The following GLIS3 variants were observed in gnomAD, a reference collection of about 807,000 sequenced individuals.
GLIS3 encodes zinc finger protein GLIS3.
A neutral mutation model predicts 78.6 loss-of-function variants in GLIS3; 53 were observed. The observed-to-expected ratio is 0.67, with a 90% confidence interval of 0.54 to 0.85. The LOEUF is 0.85. Among genes scored for constraint, GLIS3 ranks in the 40% least tolerant of loss-of-function variants. GLIS3 has a pLI of 0.00. For synonymous variants in GLIS3, 684 were observed against 509.9 expected (o/e 1.34, Z -4.60); for missense variants, 1,703 against 1,231.1 (o/e 1.38, Z -5.74).
At chr9:4,236,707 C>G (rs982572952) in intron 2 of GLIS3, among the ~76,000 whole-genome samples, 1 of 152,144 alleles carries the variant, frequency 6.6e-6, no homozygotes, top group East Asian at 1.9e-4. Flanking sequence ...ATTGAGCCCC[C>G]ACTATGTGTA....
At chr9:4,294,617 T>G (rs1395394814) in intron 1 of GLIS3, among the ~76,000 whole-genome samples, 1 of 152,036 alleles carries the variant, frequency 6.6e-6, no homozygotes, top group Non-Finnish European at 1.5e-5. Flanking sequence ...TCTACACACC[T>G]CTCTTTCAAC....
chr9:4,118,118 G>A lies in GLIS3; in HGVS notation c.1360C>T (p.Pro454Ser). The change falls in exon 4 of 11, where the codon CCG becomes TCG. Residue 454 changes from proline (P) to serine (S), a missense_variant. Transcript: ENST00000381971. The surrounding 1 kb of genome is among the most constrained non-coding windows in gnomAD (Gnocchi z 4.7). Reference sequence around the variant, plus strand: ...TAAGGGGGTGGGGGGCCTGGGGGCGGCGGCAGAGGAGGGAGCGGAGGCGCG... The same window carrying A: ...TAAGGGGGTGGGGGGCCTGGGGGCGACGGCAGAGGAGGGAGCGGAGGCGCG... Reference protein sequence around the residue: ...PPAPPLPPLPPPPGPPPPYHA... With the variant: ...PPAPPLPPLPSPPGPPPPYHA... 3.2e-6 allele frequency: 5 copies of A among 1,549,004 alleles called. No homozygotes were observed. Among genetic ancestry groups the A allele is most frequent in the Non-Finnish European group, 4.4e-6 (5 of 1,147,296 alleles).
chr9:3,906,628 G>A (rs1268340702), intron 6 of GLIS3, among the ~76,000 whole-genome samples: 5 of 152,168 alleles, frequency 3.3e-5, no homozygotes, highest in Admixed American at 2.6e-4. Flanking sequence ...CACAGAGCAC[G>A]ATGGGGCCGG....
chr9:4,075,629 C>G (rs1451694806), intron 4 of GLIS3, among the ~76,000 whole-genome samples: 1 of 151,922 alleles, frequency 6.6e-6, no homozygotes, highest in African/African-American at 2.4e-5. Context: ...AATATATAGC[C>G]TAGACATAGG....
intron 4 of GLIS3, among the ~76,000 whole-genome samples, chr9:4,007,901 G>GA (rs1588441326): frequency 6.7e-6 from 1 of 149,174 alleles, no homozygotes; most frequent in African/African-American, 2.5e-5. Context: ...GGGCGTTGGG[G>GA]GGGGGGGGTT....
At chr9:3,909,121 A>C (rs2077831056) in intron 6 of GLIS3, among the ~76,000 whole-genome samples, 1 of 152,336 alleles carries the variant, frequency 6.6e-6, no homozygotes, top group Admixed American at 6.5e-5. Context: ...CCAGAAGGAA[A>C]GACAGTAGGA....
At chr9:4,086,191 C>T (rs946552258) in intron 4 of GLIS3, among the ~76,000 whole-genome samples, 1 of 152,160 alleles carries the variant, frequency 6.6e-6, no homozygotes, top group Admixed American at 6.5e-5. Flanking sequence ...TGTCTTTGAA[C>T]ATATCACTCT....
chr9:4,442,353 C>G, the GLIS3 span, among the ~76,000 whole-genome samples: 1 of 152,034 alleles, frequency 6.6e-6, no homozygotes, highest in Non-Finnish European at 1.5e-5. Context: ...CTTTCTTAAT[C>G]TAGATAAAGG....
chr9:4,190,149 G>C (rs1217408191), intron 2 of GLIS3, among the ~76,000 whole-genome samples: 1 of 152,194 alleles, frequency 6.6e-6, no homozygotes, highest in African/African-American at 2.4e-5. Flanking sequence ...AAGGAACGCA[G>C]CTCCTCACCA....
rs369212968 is a variant in GLIS3, at chr9:3,871,683, T to C, written c.2297+7744A>G. Among the ~76,000 whole-genome samples the C allele has an allele frequency of 3.3e-3, 504 of 152,316 alleles. 1 individual carries two copies. Among genetic ancestry groups the C allele is most frequent in the African/African-American group, 0.012 (488 of 41,566 alleles). ...GACGCAGGGCACCAAGTCCCTAGGC[T>C]GCACACAGCACAGGGACCCTGGGCC... On this transcript the variant is annotated intron_variant, in intron 8 of 10. Transcript: ENST00000381971.
At chr9:4,043,988 A>C (rs879694320) in intron 4 of GLIS3, among the ~76,000 whole-genome samples, 1 of 152,184 alleles carries the variant, frequency 6.6e-6, no homozygotes, top group Non-Finnish European at 1.5e-5. Context: ...AATGGAAGGC[A>C]ATATGATGGG....
chr9:3,927,987 CT>C (rs1053251335), intron 6 of GLIS3, among the ~76,000 whole-genome samples: 67 of 152,296 alleles, frequency 4.4e-4, no homozygotes, highest in African/African-American at 1.6e-3. Flanking sequence ...AAGTAAGTTA[CT>C]TTTCAAATGA....
chr9:3,985,911 G>T (rs1428894883), intron 4 of GLIS3, among the ~76,000 whole-genome samples: 1 of 152,062 alleles, frequency 6.6e-6, no homozygotes, highest in Non-Finnish European at 1.5e-5. Flanking sequence ...GTATAATATT[G>T]CTAATCTATA....
chr9:3,998,895 T>C (rs1198010656), intron 4 of GLIS3, among the ~76,000 whole-genome samples: 1 of 151,822 alleles, frequency 6.6e-6, no homozygotes, highest in African/African-American at 2.4e-5. Context: ...ACTGACACCA[T>C]CTAGTCAACC....
At chr9:4,113,127 C>G (rs973065401) in intron 4 of GLIS3, among the ~76,000 whole-genome samples, 1 of 151,738 alleles carries the variant, frequency 6.6e-6, no homozygotes, top group Non-Finnish European at 1.5e-5. Context: ...TTTTTTCACT[C>G]AACAGTGTTT....
chr9:4,272,099 G>C (rs913804841), intron 2 of GLIS3, among the ~76,000 whole-genome samples: 1 of 152,148 alleles, frequency 6.6e-6, no homozygotes, highest in African/African-American at 2.4e-5. Context: ...CCCAGAGTAA[G>C]GGCTCAAAAA....
intron 2 of GLIS3, among the ~76,000 whole-genome samples, chr9:4,272,893 G>C (rs1826643920): frequency 6.6e-6 from 1 of 152,176 alleles, no homozygotes; most frequent in Non-Finnish European, 1.5e-5. Context: ...CCTCATTTAA[G>C]TCTTGACAGT....
the GLIS3 span, among the ~76,000 whole-genome samples, chr9:4,478,718 A>G: frequency 6.6e-6 from 1 of 152,248 alleles, no homozygotes; most frequent in African/African-American, 2.4e-5. Flanking sequence ...TTTTCTGTAT[A>G]AAATCTATTT....
intron 2 of GLIS3, among the ~76,000 whole-genome samples, chr9:4,332,469 T>G (rs1433542106): frequency 2.0e-5 from 3 of 152,206 alleles, no homozygotes; most frequent in African/African-American, 7.2e-5. Flanking sequence ...ACACAGAATC[T>G]TTTTCACAAA....
Sources: allele counts gnomAD v4.1 joint callset (sites outside exome capture counted in the v4.1 genomes callset), GRCh38; gene constraint gnomAD v4.1.1; non-coding constraint Gnocchi (gnomAD v3.1); transcripts MANE v1.5; gene names NCBI Gene and HGNC (gene_info 2026-07-23, HGNC 2026-07-21).